Variants in SCAPER observed in about 807,000 individuals in gnomAD.
SCAPER encodes S phase cyclin A-associated protein in the endoplasmic reticulum.
Under a neutral mutation model 182.2 loss-of-function variants are expected in SCAPER, and 98 were observed. The observed-to-expected ratio is 0.54, with a 90% CI of 0.46 to 0.64. SCAPER has a LOEUF of 0.64. Ranked by LOEUF, SCAPER falls within the 30% of genes least tolerant of loss-of-function variation. The pLI, the probability that SCAPER is intolerant of heterozygous loss-of-function variation, is 0.00. For missense variants in SCAPER, 1,432 were observed against 1,690.0 expected (o/e 0.85, Z 2.68); for synonymous variants, 605 against 564.6 (o/e 1.07, Z -1.01).
At chr15:76,804,654 A>C (rs768355766) in intron 5 of SCAPER, 21 bp from the exon 6 acceptor site, 43 of 1,508,752 alleles carry the variant, frequency 2.9e-5, no homozygotes, top group South Asian at 3.7e-5. Context: ...CAAAACAAAA[A>C]AAAATTAAAT....
Position 76,528,221 on chromosome 15 carries a change from T to G in SCAPER, c.2839-23247A>C, listed in dbSNP as rs2043353080. On this transcript the variant is annotated intron_variant, in intron 23 of 31. Coordinates refer to ENST00000563290, the MANE Select transcript of SCAPER (RefSeq NM_020843.4). ...GTCCATGGGCTATAGTTTGCCAACC[T>G]CTGCCTTAAATAATAATATTCCTTA... Among the ~76,000 whole-genome samples, 7 of 152,368 alleles carry G rather than the reference T, an allele frequency of 4.6e-5. No homozygotes were observed. The South Asian group carries it at 1.4e-3, about 32-fold the overall frequency.
At chr15:76,904,664 G>C (rs1395739287) in intron 1 of SCAPER, 1 of 152,320 alleles carries the variant, frequency 6.6e-6, no homozygotes, top group Non-Finnish European at 1.5e-5. Flanking sequence ...TTTTGGAAAA[G>C]AGCAGCAACA....
intron 20 of SCAPER, among the ~76,000 whole-genome samples, chr15:76,680,855 T>C (rs1176602210): frequency 1.3e-5 from 2 of 152,208 alleles, no homozygotes; most frequent in East Asian, 3.8e-4. Context: ...GTCTTTTCTT[T>C]ATAAATTAAC....
intron 26 of SCAPER, among the ~76,000 whole-genome samples, chr15:76,417,942 C>T (rs1389949021): frequency 2.0e-5 from 3 of 152,008 alleles, no homozygotes; most frequent in East Asian, 1.9e-4. Context: ...GGCTTGAACC[C>T]GGGAGGCGGA....
chr15:76,869,488 G>A (rs2072540973), intron 2 of SCAPER, among the ~76,000 whole-genome samples: 2 of 151,880 alleles, frequency 1.3e-5, no homozygotes, highest in Admixed American at 6.6e-5. Flanking sequence ...TATACAAAAT[G>A]GCCAACAGAT....
chr15:76,602,389 A>C lies in SCAPER; in HGVS notation c.2711+19375T>G. On this transcript the variant is annotated intron_variant, in intron 22 of 31. Coordinates refer to ENST00000563290, the MANE Select transcript of SCAPER (RefSeq NM_020843.4). The stretch of plus-strand genomic sequence containing the variant: ...TGAAGTATAACTTTGCACAGTACAG[A>C]ATTCTAGGTTGGTGAGTTTTTTTCT... 1.7e-5 allele frequency among the ~76,000 whole-genome samples: 2 copies of C among 120,968 alleles called. 1 individual carries two copies. Among genetic ancestry groups the C allele is most frequent in the Non-Finnish European group, 4.0e-5 (2 of 49,878 alleles). 79.4% of individuals were successfully genotyped at this position (120,968 alleles called of 152,430 possible).
chr15:76,738,717 G>A (rs2061402753), intron 15 of SCAPER, among the ~76,000 whole-genome samples: 1 of 152,080 alleles, frequency 6.6e-6, no homozygotes, highest in South Asian at 2.1e-4. Context: ...TAAGTTTGCT[G>A]TCATATATGA....
chr15:76,529,089 G>T (rs1188762578), intron 23 of SCAPER, among the ~76,000 whole-genome samples: 4 of 152,186 alleles, frequency 2.6e-5, no homozygotes, highest in Non-Finnish European at 5.9e-5. Flanking sequence ...TGCTGCCCAT[G>T]GGGGAGTGCA....
At chr15:76,785,796 T>C (rs1201235377) in intron 8 of SCAPER, among the ~76,000 whole-genome samples, 1 of 152,170 alleles carries the variant, frequency 6.6e-6, no homozygotes, top group African/African-American at 2.4e-5. Context: ...AAACACTGCA[T>C]GTTCTCACTC....
intron 2 of SCAPER, among the ~76,000 whole-genome samples, chr15:76,869,244 C>A: frequency 6.6e-6 from 1 of 151,716 alleles, no homozygotes. Context: ...GCACAGGCAA[C>A]AAAAACAAAA....
At chr15:76,470,703 A>C (rs996144923) in intron 25 of SCAPER, among the ~76,000 whole-genome samples, 2 of 152,162 alleles carry the variant, frequency 1.3e-5, no homozygotes, top group Non-Finnish European at 2.9e-5. Flanking sequence ...TTTAAGGTGA[A>C]AATTGGCTGC....
At chr15:76,847,397 G>A (rs2070219250) in intron 4 of SCAPER, among the ~76,000 whole-genome samples, 1 of 151,878 alleles carries the variant, frequency 6.6e-6, no homozygotes, top group African/African-American at 2.4e-5. Flanking sequence ...TGGGAAGAAT[G>A]AATAAGACCT....
intron 5 of SCAPER, among the ~76,000 whole-genome samples, chr15:76,826,747 T>C (rs928032372): frequency 6.6e-6 from 1 of 152,198 alleles, no homozygotes. Flanking sequence ...ATTTTTGTTA[T>C]ACTTCACCCA....
At chr15:76,835,661 C>T (rs1257080839) in intron 5 of SCAPER, among the ~76,000 whole-genome samples, 1 of 152,106 alleles carries the variant, frequency 6.6e-6, no homozygotes, top group Admixed American at 6.5e-5. Flanking sequence ...CCTCACCATT[C>T]CTATTCAATG....
At chr15:76,803,386 A>G (rs967867929) in intron 6 of SCAPER, among the ~76,000 whole-genome samples, 22 of 152,196 alleles carry the variant, frequency 1.4e-4, no homozygotes, top group African/African-American at 4.1e-4. Context: ...TAGACTTAGC[A>G]AACTGGTTAA....
intron 8 of SCAPER, among the ~76,000 whole-genome samples, chr15:76,782,148 T>C (rs1024845773): frequency 2.0e-5 from 3 of 152,044 alleles, no homozygotes; most frequent in Non-Finnish European, 4.4e-5. Flanking sequence ...ACCCATCTCA[T>C]GTGCAGAGAC....
intron 22 of SCAPER, among the ~76,000 whole-genome samples, chr15:76,617,630 C>A (rs888730235): frequency 1.3e-5 from 2 of 152,138 alleles, no homozygotes; most frequent in Non-Finnish European, 2.9e-5. Flanking sequence ...TTCTCACTCA[C>A]AAGGAGGCTG....
chr15:76,640,156 T>C (rs2053985091), intron 21 of SCAPER, among the ~76,000 whole-genome samples: 1 of 152,226 alleles, frequency 6.6e-6, no homozygotes, highest in Non-Finnish European at 1.5e-5. Flanking sequence ...CTATTCAAAC[T>C]GTTCATTTTG....
intron 1 of SCAPER, among the ~76,000 whole-genome samples, chr15:76,892,515 T>G (rs1447432279): frequency 6.6e-6 from 1 of 152,182 alleles, no homozygotes; most frequent in East Asian, 1.9e-4. Flanking sequence ...GCGAAGGATA[T>G]GAACAGACAC....
Sources: allele counts gnomAD v4.1 joint callset (sites outside exome capture counted in the v4.1 genomes callset), GRCh38; gene constraint gnomAD v4.1.1; transcripts MANE v1.5; gene names NCBI Gene and HGNC (gene_info 2026-07-23, HGNC 2026-07-21).